Variants in PTPN11 observed in about 807,000 individuals in gnomAD.
PTPN11 encodes tyrosine-protein phosphatase non-receptor type 11.
A neutral mutation model predicts 78.8 loss-of-function variants in PTPN11; 6 were observed. The ratio of observed to expected loss-of-function variants is 0.08; its 90% CI spans 0.04 to 0.15. The LOEUF (loss-of-function observed/expected upper bound fraction) is 0.15. Among genes scored for constraint, PTPN11 ranks in the 10% least tolerant of loss-of-function variants. The pLI is 1.00. For synonymous variants in PTPN11, 221 were observed against 263.5 expected (o/e 0.84, Z 1.56); for missense variants, 386 against 744.8 (o/e 0.52, Z 5.61).
At chr12:112,452,199 T>G (rs1305107265) in intron 3 of PTPN11, among the ~76,000 whole-genome samples, 1 of 152,024 alleles carries the variant, frequency 6.6e-6, no homozygotes, top group Non-Finnish European at 1.5e-5. Flanking sequence ...TTATTACAAC[T>G]TCTTTATTTT....
chr12:112,430,671 C>T (rs1393199484), intron 1 of PTPN11, among the ~76,000 whole-genome samples: 7 of 151,770 alleles, frequency 4.6e-5, no homozygotes, highest in South Asian at 2.1e-4. Context: ...CCTTTGACCT[C>T]GCTTCAGCCT....
At chr12:112,462,645 T>C (rs2038265851) in intron 6 of PTPN11, among the ~76,000 whole-genome samples, 1 of 152,232 alleles carries the variant, frequency 6.6e-6, no homozygotes. Flanking sequence ...TAAGAAGATA[T>C]TCCCATATCC....
intron 1 of PTPN11, among the ~76,000 whole-genome samples, chr12:112,425,436 C>G (rs1231462280): frequency 6.6e-6 from 1 of 151,774 alleles, no homozygotes; most frequent in Non-Finnish European, 1.5e-5. Flanking sequence ...TTCTTGTAAT[C>G]TGTAGAAAGT....
chr12:112,444,772 A>G (rs1300694663), intron 1 of PTPN11, among the ~76,000 whole-genome samples: 5 of 152,172 alleles, frequency 3.3e-5, no homozygotes, highest in Non-Finnish European at 5.9e-5. Context: ...AATTGTCCCT[A>G]CTTTGGCCAG....
rs2038885428 is a variant in PTPN11 at position 112,502,309 on chromosome 12, G to T, written c.1712+53G>T. The T allele has an allele frequency of 4.0e-6, 6 of 1,494,292 alleles. No homozygotes were observed. The Admixed American group carries it at 1.0e-4, about 25-fold the overall frequency. The allele number at this position is 1,494,292 out of a possible 1,614,324, so 92.6% of individuals were successfully genotyped here. On this transcript the variant is annotated intron_variant, in intron 14 of 15. Coordinates refer to ENST00000351677, the MANE Select transcript of PTPN11 (RefSeq NM_002834.5). ...TACCTGGTCATGGTGGTTTAAAAAG[G>T]TTTAAAAAACAAAAACAAAAACAAA... is the stretch of plus-strand genomic sequence containing the variant.
chr12:112,444,114 G>A (rs1421344443), intron 1 of PTPN11, among the ~76,000 whole-genome samples: 1 of 152,128 alleles, frequency 6.6e-6, no homozygotes, highest in Non-Finnish European at 1.5e-5. Flanking sequence ...CAACCTCAGG[G>A]GAGCGGCATT....
In PTPN11 at chr12:112,489,011, G is replaced by A. The variant is rs1383180560; in HGVS notation, c.1448-13G>A. 4 of 1,612,790 alleles carry A rather than the reference G, an allele frequency of 2.5e-6. No individual in the cohort carries two copies. The highest frequency in any genetic ancestry group is 3.4e-6 in the Non-Finnish European group (4 of 1,179,906). On this transcript the variant is annotated splice_polypyrimidine_tract_variant and intron_variant, in intron 12 of 15. Transcript: ENST00000351677. ...GCAGTTTCTCTTTATTCTTCATGAT[G>A]TTTCCTTCGTAGGTGTTGACTGCGA...
intron 1 of PTPN11, 35 bp from the exon 2 acceptor site, chr12:112,446,241 G>GT (rs1011511756): frequency 5.0e-6 from 8 of 1,612,602 alleles, no homozygotes; most frequent in African/African-American, 4.0e-5. Context: ...ACAGTGTCTT[G>GT]TTTTTTTATT....
At chr12:112,494,958 T>C (rs1455449886) in intron 13 of PTPN11, among the ~76,000 whole-genome samples, 8 of 152,210 alleles carry the variant, frequency 5.3e-5, no homozygotes, top group African/African-American at 1.9e-4. Context: ...ACGTTTAAAG[T>C]AGGCTAGGCT....
rs727505387 is a variant in PTPN11, at chr12:112,446,433, G to A, written c.137+35G>A. On this transcript the variant is annotated intron_variant, in intron 2 of 15. Transcript: ENST00000351677. ...AATGAAAAGAGAGGATCCTGAGAGTGTTTTCTAGGTAGGAAGTGGTAAAAC... is the reference window on the plus strand; with the variant it reads ...AATGAAAAGAGAGGATCCTGAGAGTATTTTCTAGGTAGGAAGTGGTAAAAC... The A allele has an allele frequency of 6.1e-5, 99 of 1,613,636 alleles. 3 individuals carry two copies. The Admixed American group carries it at 1.4e-3, about 22-fold the overall frequency.
At chr12:112,490,644 A>G (rs1433216877) in intron 13 of PTPN11, among the ~76,000 whole-genome samples, 1 of 151,790 alleles carries the variant, frequency 6.6e-6, no homozygotes, top group African/African-American at 2.4e-5. Flanking sequence ...ACAAGGTCTC[A>G]CTGTGTTGCC....
chr12:112,429,172 A>C (rs2037671031), intron 1 of PTPN11, among the ~76,000 whole-genome samples: 1 of 152,240 alleles, frequency 6.6e-6, no homozygotes. Flanking sequence ...ATAATTATGC[A>C]TGAGAAGTAT....
At chr12:112,442,857 T>TATAC (rs2037923659) in intron 1 of PTPN11, among the ~76,000 whole-genome samples, 1 of 76,142 alleles carries the variant, frequency 1.3e-5, no homozygotes, top group African/African-American at 6.4e-5. Flanking sequence ...TATATATATA[T>TATAC]ATATATATAT....
chr12:112,502,021 C>T, intron 13 of PTPN11, 123 bp from the exon 14 acceptor site: 2 of 738,520 alleles, frequency 2.7e-6, no homozygotes, highest in Admixed American at 2.1e-5. Flanking sequence ...GTATTCTCAA[C>T]CCGTCTATCA....
intron 12 of PTPN11, 25 bp downstream of exon 12, chr12:112,488,535 CG>C: frequency 1.3e-6 from 2 of 1,572,384 alleles, no homozygotes; most frequent in Non-Finnish European, 1.8e-6. Flanking sequence ...GGGCAAGAAG[CG>C]ACAGTTTCTG....
chr12:112,473,635 T>TC (rs148572041), intron 7 of PTPN11, among the ~76,000 whole-genome samples: 5,955 of 152,014 alleles, frequency 0.039, 264 homozygotes, highest in African/African-American at 0.11. Flanking sequence ...TCACCTCTGA[T>TC]CAGGAGTTCA....
chr12:112,484,378 C>G (rs1187432320), intron 10 of PTPN11, among the ~76,000 whole-genome samples: 1 of 152,134 alleles, frequency 6.6e-6, no homozygotes, highest in African/African-American at 2.4e-5. Context: ...CGTGGTTTGT[C>G]CAGGCCGAGG....
At chr12:112,464,524 C>G in intron 6 of PTPN11, among the ~76,000 whole-genome samples, 1 of 152,134 alleles carries the variant, frequency 6.6e-6, no homozygotes, top group Non-Finnish European at 1.5e-5. Flanking sequence ...CTCCACCTCC[C>G]GGGTTCTTGT....
At chr12:112,442,863 T>TATATAAATTATATATACAC (rs1483160885) in intron 1 of PTPN11, among the ~76,000 whole-genome samples, 5 of 81,674 alleles carry the variant, frequency 6.1e-5, no homozygotes, top group African/African-American at 2.7e-4. Flanking sequence ...TATATATATA[T>TATATAAATTATATATACAC]ATATATATAT....
Sources: gnomAD v4.1 joint callset for allele counts (sites outside exome capture counted in the v4.1 genomes callset) on GRCh38, gnomAD v4.1.1 for gene constraint, MANE v1.5 for transcripts, NCBI Gene and HGNC (gene_info 2026-07-23, HGNC 2026-07-21) for gene names.